Variants in BCLAF1 observed in about 807,000 individuals in gnomAD.
The protein encoded by BCLAF1 is bcl-2-associated transcription factor 1.
A neutral mutation model predicts 99.5 loss-of-function variants in BCLAF1; 10 were observed. The observed-to-expected ratio is 0.10, with a 90% confidence interval of 0.06 to 0.17. The LOEUF is 0.17. Among genes scored for constraint, BCLAF1 ranks in the 10% least tolerant of loss-of-function variants. BCLAF1 has a pLI of 1.00. For synonymous variants in BCLAF1, 255 were observed against 370.9 expected (o/e 0.69, Z 3.59); for missense variants, 636 against 1,105.8 (o/e 0.58, Z 6.02).
intron 11 of BCLAF1, among the ~76,000 whole-genome samples, chr6:136,264,452 G>A (rs1481731853): frequency 6.6e-6 from 1 of 152,098 alleles, no homozygotes; most frequent in Non-Finnish European, 1.5e-5. Context: ...TGATCCACCT[G>A]TCTCAGCCTC....
intron 11 of BCLAF1, among the ~76,000 whole-genome samples, chr6:136,263,385 G>C (rs1037452048): frequency 1.3e-5 from 2 of 152,006 alleles, no homozygotes; most frequent in Non-Finnish European, 2.9e-5. Context: ...TCTGAAACTT[G>C]GTAAACACAA....
At chr6:136,272,147 T>G (rs1294065976) in intron 7 of BCLAF1, 68 bp from the exon 8 acceptor site, 1 of 1,100,634 alleles carries the variant, frequency 9.1e-7, no homozygotes, top group Non-Finnish European at 1.3e-6. Context: ...ATCCACACGA[T>G]TATCCATTTT....
intron 8 of BCLAF1, among the ~76,000 whole-genome samples, chr6:136,271,548 T>C (rs756548364): frequency 6.6e-6 from 1 of 151,934 alleles, no homozygotes; most frequent in Non-Finnish European, 1.5e-5. Flanking sequence ...GTTCTTAGAA[T>C]GCTTATTTCT....
In BCLAF1 at chr6:136,258,037, G is replaced by C. The variant is rs1405082072; in HGVS notation, c.*3073C>G. On this transcript the variant is annotated 3_prime_UTR_variant, in exon 13 of 13. Coordinates refer to ENST00000531224, the MANE Select transcript of BCLAF1 (RefSeq NM_014739.3). ...TACACACAGAGTTATTTCTCTCACA[G>C]AATTTTTAAGGACTAATTTGCCATT... is the stretch of plus-strand genomic sequence containing the variant. 1.3e-5 allele frequency: 2 copies of C among 152,068 alleles called. No homozygotes were observed. The highest frequency in any genetic ancestry group is 2.9e-5 in the Non-Finnish European group (2 of 67,944). 9.4% of individuals were successfully genotyped at this position (152,068 alleles called of 1,614,324 possible).
Position 136,273,132 on chromosome 6 carries a change from C to T in BCLAF1, c.1908G>A (p.Gln636=), listed in dbSNP as rs1388705869. The T allele has an allele frequency of 6.2e-7, 1 of 1,612,120 alleles. No homozygotes were observed. The highest frequency in any genetic ancestry group is 1.7e-5 in the Admixed American group (1 of 59,898). ...GAGTACTATGTTCTTCAGTGGCTTT[C>T]TGATACGAAGTGAACCGCTCGTTTA... is the stretch of plus-strand genomic sequence containing the variant. ...MTLNERFTSY[Q]KATEEHSTRQ... is the part of the protein sequence containing the mutation. Residue 636 remains glutamine, a synonymous_variant, in exon 7 of 13, where the codon CAG becomes CAA. Coordinates refer to ENST00000531224, the MANE Select transcript of BCLAF1 (RefSeq NM_014739.3).
intron 9 of BCLAF1, 104 bp from the exon 10 acceptor site, chr6:136,268,443 C>T: frequency 3.0e-6 from 3 of 1,006,126 alleles, no homozygotes; most frequent in Non-Finnish European, 4.4e-6. Flanking sequence ...ACACTATCCC[C>T]TAATAAAATT....
chr6:136,279,623 A>G (rs1285517115), intron 3 of BCLAF1, 140 bp downstream of exon 3: 2 of 916,876 alleles, frequency 2.2e-6, no homozygotes, highest in African/African-American at 3.4e-5. Flanking sequence ...CTCGCTTACA[A>G]TAAGGATAAC....
chr6:136,272,865 A>G (rs992975467), intron 7 of BCLAF1, among the ~76,000 whole-genome samples: 6 of 151,970 alleles, frequency 3.9e-5, no homozygotes, highest in Non-Finnish European at 7.4e-5. Context: ...CTGCAAAGTA[A>G]TAAGAGTTAA....
intron 2 of BCLAF1, among the ~76,000 whole-genome samples, chr6:136,280,271 GAAATA>G (rs927286829): frequency 1.3e-5 from 2 of 152,144 alleles, no homozygotes; most frequent in African/African-American, 4.8e-5. Flanking sequence ...TAAGGCAACT[GAAATA>G]AAATAAAGTG....
chr6:136,261,023 T>C lies in BCLAF1; in HGVS notation c.*87A>G. 7.2e-7 allele frequency: 1 copy of C among 1,387,748 alleles called. No individual in the cohort carries two copies. The highest frequency in any genetic ancestry group is 1.5e-5 in the African/African-American group (1 of 67,938). The allele number at this position is 1,387,748 out of a possible 1,614,324, so 86.0% of individuals were successfully genotyped here. ...TGCAAACAGTAAAATTTAAGTAAAA[T>C]GCTTACATTCTTATTTGAAAACAAA... On this transcript the variant is annotated 3_prime_UTR_variant, in exon 13 of 13. Coordinates refer to ENST00000531224, the MANE Select transcript of BCLAF1 (RefSeq NM_014739.3).
Position 136,257,108 on chromosome 6 carries a change from A to G in BCLAF1, c.*4002T>C, listed in dbSNP as rs566338274. ...CGATGTATATTCTTGGGGGAAAGGC[A>G]TTAAAGCCTGCTCACCCAACCTTTT... On this transcript the variant is annotated 3_prime_UTR_variant, in exon 13 of 13. Coordinates refer to ENST00000531224, the MANE Select transcript of BCLAF1 (RefSeq NM_014739.3). 1.3e-5 allele frequency: 2 copies of G among 152,364 alleles called. No homozygotes were observed. Among genetic ancestry groups the G allele is most frequent in the South Asian group, 4.1e-4 (2 of 4,832 alleles). The allele number at this position is 152,364 out of a possible 1,614,324, so 9.4% of individuals were successfully genotyped here.
intron 1 of BCLAF1, among the ~76,000 whole-genome samples, chr6:136,286,013 C>A (rs1005335111): frequency 2.6e-5 from 4 of 152,136 alleles, no homozygotes; most frequent in Non-Finnish European, 5.9e-5. Context: ...GCAGGAGAAT[C>A]ACTTGAACCC....
chr6:136,263,486 C>G (rs902674531), intron 11 of BCLAF1, among the ~76,000 whole-genome samples: 10 of 152,096 alleles, frequency 6.6e-5, no homozygotes, highest in Admixed American at 5.9e-4. Flanking sequence ...TCTTAATACT[C>G]AAGTTTTATA....
At chr6:136,284,130 G>GTGTGTGTATATATA (rs36141174) in intron 1 of BCLAF1, among the ~76,000 whole-genome samples, 28 of 122,102 alleles carry the variant, frequency 2.3e-4, no homozygotes, top group African/African-American at 1.1e-3. Flanking sequence ...GTGTGTGTGT[G>GTGTGTGTATATATA]TATATATATA....
chr6:136,281,029 T>C (rs1270610548), intron 2 of BCLAF1, among the ~76,000 whole-genome samples: 1 of 152,200 alleles, frequency 6.6e-6, no homozygotes, highest in East Asian at 1.9e-4. Context: ...TAAAATAGTA[T>C]TTGGAGGTAC....
chr6:136,277,976 G>C lies in BCLAF1; in HGVS notation c.905C>G (p.Ala302Gly), dbSNP rs756977369. 1 of 1,607,784 alleles carries C rather than the reference G, an allele frequency of 6.2e-7. No individual in the cohort carries two copies. Among genetic ancestry groups the C allele is most frequent in the Non-Finnish European group, 8.5e-7 (1 of 1,176,922 alleles). ...AGCATTCTGTGGTGCGATTGTCTTT[G>C]CAGGACTTCTTCGTGAAGGGATGTG... ...IHHIPSRRSP[A>G]KTIAPQNAPR... Residue 302 changes from alanine to glycine, a missense_variant, in exon 4 of 13, where the codon GCA becomes GGA. Ala to Gly is a moderately conservative substitution (Grantham distance 60, BLOSUM62 0). Coordinates refer to ENST00000531224, the MANE Select transcript of BCLAF1 (RefSeq NM_014739.3).
intron 11 of BCLAF1, among the ~76,000 whole-genome samples, chr6:136,266,561 A>G (rs1781742550): frequency 6.6e-6 from 1 of 152,098 alleles, no homozygotes; most frequent in African/African-American, 2.4e-5. Flanking sequence ...TCTGTAATGT[A>G]ATTTTTCATC....
chr6:136,279,935 CATT>C lies in BCLAF1; in HGVS notation c.-10-62_-10-60del, dbSNP rs537067298. Reference sequence around the variant, plus strand: ...TTACAATATGATATTTAAAATTTTACATTATTACTTATTTTCAGATAAAATTTG... The same window carrying C: ...TTACAATATGATATTTAAAATTTTACATTACTTATTTTCAGATAAAATTTG... On this transcript the variant is annotated intron_variant, in intron 2 of 12. Transcript: ENST00000531224. 3.5e-3 allele frequency: 4,734 copies of C among 1,337,372 alleles called. 19 individuals are homozygous for C. The highest frequency in any genetic ancestry group is 6.2e-3 in the Admixed American group (193 of 31,072). 82.8% of individuals were successfully genotyped at this position (1,337,372 alleles called of 1,614,324 possible).
intron 11 of BCLAF1, among the ~76,000 whole-genome samples, chr6:136,264,949 C>T (rs1429730570): frequency 6.6e-6 from 1 of 152,152 alleles, no homozygotes; most frequent in Non-Finnish European, 1.5e-5. Context: ...AATGAAACTA[C>T]TGCCTAAGTA....
Sources: allele counts gnomAD v4.1 joint callset (sites outside exome capture counted in the v4.1 genomes callset), GRCh38; gene constraint gnomAD v4.1.1; transcripts MANE v1.5; gene names NCBI Gene and HGNC (gene_info 2026-07-23, HGNC 2026-07-21).